VPS26C: variants seen among roughly 807,000 people sequenced by gnomAD.
VPS26C encodes vacuolar protein sorting-associated protein 26C.
In VPS26C, 19 loss-of-function variants were observed where a neutral mutation model predicts 30.6. The ratio of observed to expected loss-of-function variants is 0.62; its 90% CI spans 0.43 to 0.91. The LOEUF is 0.91. Ranked by LOEUF, VPS26C falls within the 40% of genes least tolerant of loss-of-function variation. The probability of loss-of-function intolerance (pLI) is 0.00; values close to 1 mark genes in which losing one functional copy is unlikely to be tolerated. For missense variants in VPS26C, 318 were observed against 385.1 expected, an observed-to-expected ratio of 0.83 and a Z score of 1.46; for synonymous variants, 132 against 151.5, an observed-to-expected ratio of 0.87 and a Z score of 0.95.
chr21:37,240,389 T>G, intron 2 of VPS26C, 107 bp downstream of exon 2: 10 of 1,312,012 alleles, frequency 7.6e-6, no homozygotes, highest in Non-Finnish European at 1.0e-5. Flanking sequence ...CCTCCCAAAT[T>G]ACTGAGATTA....
chr21:37,258,389 G>T (rs764155), intron 1 of VPS26C, among the ~76,000 whole-genome samples: 92,258 of 151,948 alleles, frequency 0.61, 28,290 homozygotes, highest in East Asian at 0.76. Context: ...GGCGCCAAAA[G>T]GAACATGCGA....
upstream of VPS26C, chr21:37,267,622 G>A (rs1381742399): frequency 5.7e-6 from 2 of 350,452 alleles, no homozygotes; most frequent in Non-Finnish European, 5.3e-6. Flanking sequence ...TTGCTGTCCG[G>A]GTTAGCGGAG....
intron 1 of VPS26C, among the ~76,000 whole-genome samples, chr21:37,254,535 G>A (rs1375151964): frequency 6.6e-6 from 1 of 152,118 alleles, no homozygotes; most frequent in Non-Finnish European, 1.5e-5. Context: ...CTCAGGCTGG[G>A]TGCGGTGGCT....
In VPS26C at chr21:37,228,264, A is replaced by T; in HGVS notation, c.617T>A (p.Ile206Asn). 1 of 1,613,984 alleles carries T rather than the reference A, an allele frequency of 6.2e-7. No homozygotes were observed. The highest frequency in any genetic ancestry group is 1.7e-5 in the Admixed American group (1 of 60,026). ...CACCAGCTGCAGCTCCACGCTTCTG[A>T]TGGCGGCTTCCGAGCTCTCCACCAC... Reference protein sequence around the residue: ...ELVVESSEAAIRSVELQLVRV... With the variant: ...ELVVESSEAANRSVELQLVRV... The change falls in exon 6 of 8, where the codon ATC (isoleucine) becomes AAC (asparagine). Residue 206 changes from isoleucine to asparagine, a missense_variant. Transcript: ENST00000309117.
At chr21:37,267,374 G>C (rs561433791), upstream of VPS26C, 1 of 1,313,658 alleles carries the variant, frequency 7.6e-7, no homozygotes, top group Non-Finnish European at 1.1e-6. Context: ...GCTTCGTTCT[G>C]GGCCCCGCCC....
At chr21:37,266,964 G>A (rs916179150) in intron 1 of VPS26C, 1 of 334,758 alleles carries the variant, frequency 3.0e-6, no homozygotes. Context: ...CAGATGGGAA[G>A]AGCGCAGCCC....
chr21:37,249,099 C>T (rs1359425131), intron 1 of VPS26C, among the ~76,000 whole-genome samples: 1 of 152,048 alleles, frequency 6.6e-6, no homozygotes. Context: ...ATATATCTAC[C>T]TTACCCCAAA....
At chr21:37,258,440 C>CA (rs1429619156) in intron 1 of VPS26C, among the ~76,000 whole-genome samples, 4 of 152,334 alleles carry the variant, frequency 2.6e-5, no homozygotes, top group African/African-American at 9.6e-5. Context: ...GCATTCCCAG[C>CA]GCCCCGAACC....
At chr21:37,240,448 C>T in intron 2 of VPS26C, 48 bp downstream of exon 2, 1 of 1,606,346 alleles carries the variant, frequency 6.2e-7, no homozygotes. Flanking sequence ...CCCAGCCCAA[C>T]ATTTCAATAT....
At chr21:37,267,357 C>T (rs189656605), upstream of VPS26C, 1,851 of 1,476,080 alleles carry the variant, frequency 1.3e-3, 6 homozygotes, top group Non-Finnish European at 1.6e-3. Context: ...ACAAGGGGCG[C>T]CTCCCCGCTT....
intron 1 of VPS26C, among the ~76,000 whole-genome samples, chr21:37,244,456 A>T (rs1458401335): frequency 6.6e-6 from 1 of 151,990 alleles, no homozygotes; most frequent in Non-Finnish European, 1.5e-5. Flanking sequence ...CTGGTCTCGA[A>T]CTCCTGACCT....
At chr21:37,249,984 A>T (rs1349965115) in intron 1 of VPS26C, among the ~76,000 whole-genome samples, 1 of 152,174 alleles carries the variant, frequency 6.6e-6, no homozygotes, top group Non-Finnish European at 1.5e-5. Context: ...TGATACTGGG[A>T]AACTGGCCAG....
At chr21:37,264,650 G>C (rs993326261) in intron 1 of VPS26C, among the ~76,000 whole-genome samples, 28 of 152,120 alleles carry the variant, frequency 1.8e-4, no homozygotes, top group African/African-American at 6.8e-4. Flanking sequence ...CTCCAGAAAA[G>C]TTACGAGAAT....
chr21:37,254,257 T>C (rs1354043011), intron 1 of VPS26C, among the ~76,000 whole-genome samples: 1 of 152,194 alleles, frequency 6.6e-6, no homozygotes, highest in Non-Finnish European at 1.5e-5. Context: ...CAAGCCAGGA[T>C]GCAGGCAAAC....
rs902256530 is a variant in VPS26C, at chr21:37,257,671, T to C, written c.57+9567A>G. ...GGCAAGCTGGCTTCCCCTTCCAGCT[T>C]TTCACAACCCTGCCTTGCTCATGGT... On this transcript the variant is annotated intron_variant, in intron 1 of 7. Coordinates refer to ENST00000309117, the MANE Select transcript of VPS26C (RefSeq NM_006052.2). The surrounding 1 kb of genome is among the most constrained non-coding windows in gnomAD (Gnocchi z 4.2). Among the ~76,000 whole-genome samples, 8 of 152,136 alleles carry C rather than the reference T, an allele frequency of 5.3e-5. No homozygotes were observed. Among genetic ancestry groups the C allele is most frequent in the Non-Finnish European group, 1.2e-4 (8 of 68,022 alleles).
intron 1 of VPS26C, among the ~76,000 whole-genome samples, chr21:37,258,595 G>C (rs1272714207): frequency 6.6e-6 from 1 of 152,186 alleles, no homozygotes; most frequent in Admixed American, 6.5e-5. Context: ...GTAGGCTGCA[G>C]GTTTCGGGCC....
rs182307696 is a variant in VPS26C at position 37,228,681 on chromosome 21, A to G, written c.508-308T>C. The G allele has an allele frequency of 1.2e-4, 30 of 240,442 alleles. No individual in the cohort carries two copies. The East Asian group carries it at 2.6e-3, about 21-fold the overall frequency. The allele number at this position is 240,442 out of a possible 1,614,324, so 14.9% of individuals were successfully genotyped here. A position where few individuals can be genotyped will look rare whatever the true frequency, so the allele number is the denominator to read the frequency against. On this transcript the variant is annotated intron_variant, in intron 5 of 7. Transcript: ENST00000309117. ...CTTCTTACCAAGGAATAAGACATGAAAAAGTCTGAGGGAGTCGCCATGGTG... is the reference window on the plus strand; with the variant it reads ...CTTCTTACCAAGGAATAAGACATGAGAAAGTCTGAGGGAGTCGCCATGGTG...
intron 1 of VPS26C, among the ~76,000 whole-genome samples, chr21:37,251,037 T>C (rs1359365524): frequency 1.3e-5 from 2 of 150,686 alleles, no homozygotes. Flanking sequence ...ATATGCTCAA[T>C]TTCAACAAAA....
chr21:37,261,520 T>A (rs1248369504), intron 1 of VPS26C: 3 of 152,074 alleles, frequency 2.0e-5, no homozygotes, highest in Non-Finnish European at 4.4e-5. Flanking sequence ...TGTTAGTTAC[T>A]CTTTTTGTAA....
Sources: allele counts gnomAD v4.1 joint callset (sites outside exome capture counted in the v4.1 genomes callset), GRCh38; gene constraint gnomAD v4.1.1; non-coding constraint Gnocchi (gnomAD v3.1); transcripts MANE v1.5; gene names NCBI Gene and HGNC (gene_info 2026-07-23, HGNC 2026-07-21).